Variants in ZNRF3 observed in about 807,000 individuals in gnomAD.
The protein encoded by ZNRF3 is zinc and ring finger 3.
Under a neutral mutation model 72.5 loss-of-function variants are expected in ZNRF3, and 23 were observed. The ratio of observed to expected loss-of-function variants is 0.32; its 90% CI spans 0.23 to 0.45. The LOEUF (loss-of-function observed/expected upper bound fraction) is 0.45. Among genes scored for constraint, ZNRF3 ranks in the 20% least tolerant of loss-of-function variants. The pLI, the probability that ZNRF3 is intolerant of heterozygous loss-of-function variation, is 1.00. For synonymous variants in ZNRF3, 610 were observed against 545.3 expected, an observed-to-expected ratio of 1.12 and a Z score of -1.65; for missense variants, 1,169 against 1,272.1, an observed-to-expected ratio of 0.92 and a Z score of 1.23.
At position 29,050,020 on chromosome 22, in the gene ZNRF3, G is replaced by C. The variant is rs762283252; in HGVS notation, c.1839G>C (p.Ser613=). 1 of 1,610,450 alleles carries C rather than the reference G, an allele frequency of 6.2e-7. No homozygotes were observed. ...GTCGTGCCAGTGAGGCGGGGGGCTC[G>C]GGCAGCTCGGGCCGGGGACCTGCCC... is the stretch of plus-strand genomic sequence containing the variant. ...SPCRASEAGG[S]GSSGRGPALC... Residue 613 remains serine, a synonymous_variant, in exon 8 of 9, where the codon TCG becomes TCC. Coordinates refer to ENST00000544604, the MANE Select transcript of ZNRF3 (RefSeq NM_001206998.2).
intron 1 of ZNRF3, among the ~76,000 whole-genome samples, chr22:28,885,437 A>C (rs2033762784): frequency 6.6e-6 from 1 of 152,010 alleles, no homozygotes. Flanking sequence ...TGGACTTAAA[A>C]AAAGTTGTAA....
intron 1 of ZNRF3, among the ~76,000 whole-genome samples, chr22:28,970,785 T>C (rs2035559162): frequency 6.6e-6 from 1 of 152,112 alleles, no homozygotes; most frequent in South Asian, 2.1e-4. Flanking sequence ...CATGTTTCCG[T>C]TTATGTGGAA....
intron 2 of ZNRF3, among the ~76,000 whole-genome samples, chr22:29,035,150 G>C (rs1272185592): frequency 3.9e-5 from 6 of 152,024 alleles, no homozygotes; most frequent in Non-Finnish European, 8.8e-5. Flanking sequence ...AGCCATGTTA[G>C]GCTTTATGGG....
intron 1 of ZNRF3, among the ~76,000 whole-genome samples, chr22:28,955,681 G>A (rs2035246000): frequency 6.6e-6 from 1 of 152,004 alleles, no homozygotes; most frequent in South Asian, 2.1e-4. Context: ...TGTTTTGGGA[G>A]GCTGAGGTGG....
chr22:28,893,182 A>G (rs1419530336), intron 1 of ZNRF3, among the ~76,000 whole-genome samples: 1 of 152,202 alleles, frequency 6.6e-6, no homozygotes, highest in African/African-American at 2.4e-5. Context: ...AAATAAAAAA[A>G]TAAAAAATAA....
At chr22:28,969,782 G>A (rs1006107531) in intron 1 of ZNRF3, among the ~76,000 whole-genome samples, 7 of 152,194 alleles carry the variant, frequency 4.6e-5, no homozygotes, top group African/African-American at 1.7e-4. Flanking sequence ...AAGGGGCAGT[G>A]TCAGGGAGTG....
chr22:28,928,856 G>A (rs2034653501), intron 1 of ZNRF3, among the ~76,000 whole-genome samples: 1 of 152,046 alleles, frequency 6.6e-6, no homozygotes, highest in African/African-American at 2.4e-5. Context: ...TTCCCATAAG[G>A]TATTTAAACT....
At chr22:29,038,383 C>G (rs2036901612) in intron 2 of ZNRF3, among the ~76,000 whole-genome samples, 1 of 150,996 alleles carries the variant, frequency 6.6e-6, no homozygotes, top group South Asian at 2.1e-4. Context: ...GTCGCCCAGG[C>G]TGGAGTGCAG....
At chr22:28,984,480 A>T (rs562868102) in intron 1 of ZNRF3, among the ~76,000 whole-genome samples, 1 of 152,338 alleles carries the variant, frequency 6.6e-6, no homozygotes, top group Non-Finnish European at 1.5e-5. Context: ...GATGATACCT[A>T]TGCTCCTCCA....
chr22:28,910,729 C>T (rs759587841), intron 1 of ZNRF3, among the ~76,000 whole-genome samples: 16 of 152,286 alleles, frequency 1.1e-4, no homozygotes, highest in Middle Eastern at 3.4e-3. Flanking sequence ...CATGCATAGG[C>T]TGAGTGCCAA....
chr22:28,914,814 C>CAAAAAA (rs567975458), intron 1 of ZNRF3, among the ~76,000 whole-genome samples: 1 of 69,316 alleles, frequency 1.4e-5, no homozygotes, highest in African/African-American at 5.1e-5. Flanking sequence ...AACTCCGTCT[C>CAAAAAA]AAAAAAAAAA....
intron 1 of ZNRF3, among the ~76,000 whole-genome samples, chr22:28,951,594 T>C (rs1414218908): frequency 6.6e-6 from 1 of 152,192 alleles, no homozygotes; most frequent in East Asian, 1.9e-4. Flanking sequence ...AACTGCAAGA[T>C]GACAAATTTC....
chr22:28,933,354 TAA>T (rs1429923734), intron 1 of ZNRF3, among the ~76,000 whole-genome samples: 1 of 152,206 alleles, frequency 6.6e-6, no homozygotes, highest in East Asian at 1.9e-4. Flanking sequence ...GGATTTTTTA[TAA>T]AGAGCATTCC....
At chr22:29,035,987 A>G (rs2036860307) in intron 2 of ZNRF3, among the ~76,000 whole-genome samples, 1 of 152,130 alleles carries the variant, frequency 6.6e-6, no homozygotes, top group East Asian at 1.9e-4. Flanking sequence ...GATTATAGGT[A>G]CTAATCCAGC....
intron 1 of ZNRF3, among the ~76,000 whole-genome samples, chr22:28,913,983 T>C (rs2034365683): frequency 6.6e-6 from 1 of 152,190 alleles, no homozygotes; most frequent in Non-Finnish European, 1.5e-5. Flanking sequence ...GTACTATGTG[T>C]GAAAGTCTCT....
intron 1 of ZNRF3, among the ~76,000 whole-genome samples, chr22:28,901,936 T>G (rs2034113047): frequency 6.9e-6 from 1 of 145,874 alleles, no homozygotes; most frequent in African/African-American, 2.5e-5. Context: ...AGTTAACTTT[T>G]TTTTTTTTTT....
Position 28,990,686 on chromosome 22 carries a change from A to G in ZNRF3, c.426+3485A>G, listed in dbSNP as rs148177377. ...GGAAGACCCTGTCTCCAGTCAATCA[A>G]TCAGTCAATCAGTCAATCAATGTAA... is the stretch of plus-strand genomic sequence containing the variant. On this transcript the variant is annotated intron_variant, in intron 2 of 8. Transcript: ENST00000544604. 2.1e-3 allele frequency among the ~76,000 whole-genome samples: 313 copies of G among 152,084 alleles called. 3 individuals carry two copies. The highest frequency in any genetic ancestry group is 6.8e-3 in the Middle Eastern group (2 of 294).
intron 1 of ZNRF3, among the ~76,000 whole-genome samples, chr22:28,960,715 G>A (rs774050982): frequency 6.6e-6 from 1 of 152,300 alleles, no homozygotes; most frequent in South Asian, 2.1e-4. Context: ...TTCCAGTTCC[G>A]AGTGGGGAGG....
chr22:28,955,872 T>C (rs1280651687), intron 1 of ZNRF3, among the ~76,000 whole-genome samples: 1 of 152,024 alleles, frequency 6.6e-6, no homozygotes, highest in Non-Finnish European at 1.5e-5. Context: ...TGAGCCAGGT[T>C]CACATCACTG....
Sources: allele counts gnomAD v4.1 joint callset (sites outside exome capture counted in the v4.1 genomes callset), GRCh38; gene constraint gnomAD v4.1.1; transcripts MANE v1.5; gene names NCBI Gene and HGNC (gene_info 2026-07-23, HGNC 2026-07-21).